ADAM12: variants seen among roughly 807,000 people sequenced by gnomAD.
ADAM12 encodes the protein ADAM metallopeptidase domain 12.
ADAM12 carries 70 observed loss-of-function variants against 106.4 expected under a neutral mutation model. The observed-to-expected ratio is 0.66, with a 90% CI of 0.54 to 0.80. The LOEUF (loss-of-function observed/expected upper bound fraction) is 0.80, where lower values mean the gene tolerates loss of function less well. Ranked by LOEUF, ADAM12 falls within the 30% of genes least tolerant of loss-of-function variation. ADAM12 has a pLI of 0.00. For synonymous variants in ADAM12, 420 were observed against 433.5 expected (o/e 0.97, Z 0.39); for missense variants, 1,010 against 1,171.9 (o/e 0.86, Z 2.02).
intron 2 of ADAM12, among the ~76,000 whole-genome samples, chr10:126,303,426 A>G (rs1416833574): frequency 6.6e-6 from 1 of 152,232 alleles, no homozygotes; most frequent in Admixed American, 6.5e-5. Context: ...AAATCCTATT[A>G]GAAAGAGTAA....
chr10:126,108,788 G>C, intron 7 of ADAM12, 124 bp from the exon 8 acceptor site: 1 of 807,770 alleles, frequency 1.2e-6, no homozygotes. Context: ...CACAGTTCAC[G>C]GTAAAATGAG....
chr10:126,078,779 G>A (rs181417203), intron 11 of ADAM12, among the ~76,000 whole-genome samples: 1 of 152,150 alleles, frequency 6.6e-6, no homozygotes, highest in East Asian at 1.9e-4. Flanking sequence ...CAAATGAGGT[G>A]AAGGGATTTG....
chr10:126,047,164 G>C (rs907159694), intron 16 of ADAM12, among the ~76,000 whole-genome samples: 2 of 152,188 alleles, frequency 1.3e-5, no homozygotes, highest in Non-Finnish European at 2.9e-5. Flanking sequence ...TCTCCTATAA[G>C]ATTTTACAAA....
At chr10:126,273,823 A>T (rs78965242) in intron 3 of ADAM12, among the ~76,000 whole-genome samples, 1,665 of 152,338 alleles carry the variant, frequency 0.011, 11 homozygotes, top group Non-Finnish European at 0.017. Context: ...ATCAAAATTA[A>T]CATGAGCTAT....
intron 2 of ADAM12, among the ~76,000 whole-genome samples, chr10:126,288,119 G>A (rs1959962184): frequency 6.6e-6 from 1 of 152,120 alleles, no homozygotes; most frequent in African/African-American, 2.4e-5. Flanking sequence ...CAAGCAGAGG[G>A]TCCTCTGACC....
At chr10:126,081,140 C>T (rs1047714671) in intron 11 of ADAM12, among the ~76,000 whole-genome samples, 9 of 152,140 alleles carry the variant, frequency 5.9e-5, no homozygotes, top group Non-Finnish European at 8.8e-5. Flanking sequence ...TGTGACTCTG[C>T]GGCCTCATTA....
chr10:126,256,920 A>AATAATGATGATGATGATG (rs879871890), intron 3 of ADAM12, among the ~76,000 whole-genome samples: 1 of 97,156 alleles, frequency 1.0e-5, no homozygotes, highest in African/African-American at 4.1e-5. Flanking sequence ...TAATAATAAT[A>AATAATGATGATGATGATG]ATGATGATGA....
chr10:126,306,503 G>A (rs1960850720), intron 2 of ADAM12, among the ~76,000 whole-genome samples: 1 of 151,958 alleles, frequency 6.6e-6, no homozygotes, highest in African/African-American at 2.4e-5. Context: ...GCTTCTATCT[G>A]GCATCGTTTT....
chr10:126,041,211 G>T, intron 18 of ADAM12: 2 of 425,452 alleles, frequency 4.7e-6, no homozygotes, highest in Non-Finnish European at 3.1e-6. Flanking sequence ...CAGGAGAGTG[G>T]CTGGTGTGTG....
At chr10:126,227,850 A>C (rs1354345434) in intron 3 of ADAM12, among the ~76,000 whole-genome samples, 1 of 152,198 alleles carries the variant, frequency 6.6e-6, no homozygotes, top group Non-Finnish European at 1.5e-5. Context: ...AGGCAGAGAG[A>C]GAGCTGGGAG....
chr10:126,130,571 C>G (rs931286938), intron 5 of ADAM12, among the ~76,000 whole-genome samples: 40 of 152,154 alleles, frequency 2.6e-4, no homozygotes, highest in Non-Finnish European at 5.9e-5. Flanking sequence ...TGTGCCTGCT[C>G]CTGGGGATGC....
chr10:126,210,906 C>T (rs1957889161), intron 3 of ADAM12, among the ~76,000 whole-genome samples: 1 of 152,168 alleles, frequency 6.6e-6, no homozygotes, highest in South Asian at 2.1e-4. Flanking sequence ...AGGTAGGTGG[C>T]ACTTTGGTCC....
At chr10:126,152,140 T>C (rs1199670994) in intron 4 of ADAM12, among the ~76,000 whole-genome samples, 1 of 152,022 alleles carries the variant, frequency 6.6e-6, no homozygotes, top group Admixed American at 6.5e-5. Context: ...ACTTGCTTTA[T>C]GAATTAAGCT....
At chr10:126,075,986 G>A (rs1460739745) in intron 11 of ADAM12, among the ~76,000 whole-genome samples, 1 of 152,142 alleles carries the variant, frequency 6.6e-6, no homozygotes, top group Non-Finnish European at 1.5e-5. Flanking sequence ...TTTGTCACAT[G>A]GATATATTGC....
chr10:126,089,923 C>T (rs1395987837), intron 11 of ADAM12, among the ~76,000 whole-genome samples: 1 of 152,112 alleles, frequency 6.6e-6, no homozygotes, highest in African/African-American at 2.4e-5. Flanking sequence ...TCCTTCACAG[C>T]ACTCCTTCCA....
chr10:126,183,314 C>T (rs1957346702), intron 3 of ADAM12, among the ~76,000 whole-genome samples: 1 of 152,140 alleles, frequency 6.6e-6, no homozygotes, highest in Non-Finnish European at 1.5e-5. Context: ...CCAAACCACC[C>T]CCTCAACCCC....
intron 3 of ADAM12, among the ~76,000 whole-genome samples, chr10:126,204,515 A>G (rs1957760765): frequency 6.6e-6 from 1 of 152,224 alleles, no homozygotes; most frequent in Non-Finnish European, 1.5e-5. Context: ...CTCACATGGA[A>G]CAGAAAGCAG....
chr10:126,381,583 C>T (rs896204805), intron 1 of ADAM12, among the ~76,000 whole-genome samples: 3 of 152,144 alleles, frequency 2.0e-5, no homozygotes, highest in Non-Finnish European at 4.4e-5. Context: ...GTAGGCTCTG[C>T]CTCCCAGGTT....
intron 3 of ADAM12, among the ~76,000 whole-genome samples, chr10:126,265,186 T>C (rs567352092): frequency 1.3e-5 from 2 of 152,168 alleles, no homozygotes; most frequent in Non-Finnish European, 2.9e-5. Flanking sequence ...ATGCTAAATT[T>C]GGGGAATACA....
Sources: gnomAD v4.1 joint callset for allele counts (sites outside exome capture counted in the v4.1 genomes callset) on GRCh38, gnomAD v4.1.1 for gene constraint, MANE v1.5 for transcripts, NCBI Gene and HGNC (gene_info 2026-07-23, HGNC 2026-07-21) for gene names.